Variants in NXNL2 observed in about 807,000 individuals in gnomAD.
The protein encoded by NXNL2 is nucleoredoxin-like protein 2.
In NXNL2, 7 loss-of-function variants were observed where a neutral mutation model predicts 11.1. That is an observed-to-expected ratio of 0.63 (90% CI 0.36 to 1.18). The LOEUF (loss-of-function observed/expected upper bound fraction) is 1.18. Ranked by LOEUF, NXNL2 falls within the 50% of genes most tolerant of loss-of-function variation. The pLI is 0.02. For missense variants in NXNL2, 233 were observed against 217.7 expected, an observed-to-expected ratio of 1.07 and a Z score of -0.44; for synonymous variants, 109 against 101.8, an observed-to-expected ratio of 1.07 and a Z score of -0.42.
chr9:88,550,556 T>C (rs1829916836), intron 1 of NXNL2, among the ~76,000 whole-genome samples: 1 of 152,180 alleles, frequency 6.6e-6, no homozygotes, highest in Admixed American at 6.5e-5. Context: ...CCTAAAAAGG[T>C]GGGACATCTT....
intron 1 of NXNL2, among the ~76,000 whole-genome samples, chr9:88,561,352 GAATCTTGTGATTGTGT>G (rs369410857): frequency 0.043 from 6,563 of 152,130 alleles, 484 homozygotes; most frequent in African/African-American, 0.15. Flanking sequence ...GCCTATTGTG[GAATCTTGTGATTGTGT>G]AATCTTGTGA....
At chr9:88,544,094 G>A (rs546087875) in intron 1 of NXNL2, among the ~76,000 whole-genome samples, 30 of 152,214 alleles carry the variant, frequency 2.0e-4, no homozygotes, top group African/African-American at 7.0e-4. Context: ...TCGCTTGAAC[G>A]TGGGAGGTGG....
chr9:88,555,783 G>A (rs1830001292), intron 1 of NXNL2, among the ~76,000 whole-genome samples: 1 of 152,210 alleles, frequency 6.6e-6, no homozygotes, highest in South Asian at 2.1e-4. Context: ...CTGGCGGGCT[G>A]CGCTCAGTTC....
downstream of NXNL2, among the ~76,000 whole-genome samples, chr9:88,548,529 C>CAA (rs371956999): frequency 1.5e-4 from 21 of 141,774 alleles, no homozygotes; most frequent in African/African-American, 5.2e-4. Context: ...ACTAAAAATA[C>CAA]AAAAAAAAAA....
chr9:88,546,242 T>C (rs1190732156), downstream of NXNL2, among the ~76,000 whole-genome samples: 4 of 151,722 alleles, frequency 2.6e-5, no homozygotes, highest in African/African-American at 9.7e-5. Flanking sequence ...TGCTTGTAAC[T>C]GCCAAGAACT....
chr9:88,535,658 G>A lies in NXNL2; in HGVS notation c.224G>A (p.Ser75Asn). 1 of 1,608,136 alleles carries A rather than the reference G, an allele frequency of 6.2e-7. No homozygotes were observed. Among genetic ancestry groups the A allele is most frequent in the Non-Finnish European group, 8.5e-7 (1 of 1,179,208 alleles). Residue 75 changes from serine (S) to asparagine (N), a missense_variant, in exon 1 of 2, where the codon AGC (serine) becomes AAC (asparagine). By Grantham distance (46) the Ser-to-Asn change is conservative. Coordinates refer to ENST00000375854, the MANE Select transcript of NXNL2 (RefSeq NM_001161625.2). Reference sequence around the variant, plus strand: ...GTGGTCTTCGTGTCAGCCGACGGCAGCTCCCAGGAGATGCTGGACTTCATG... The same window carrying A: ...GTGGTCTTCGTGTCAGCCGACGGCAACTCCCAGGAGATGCTGGACTTCATG... ...FEVVFVSADGSSQEMLDFMRE... is the reference protein window; with the variant it reads ...FEVVFVSADGNSQEMLDFMRE...
At chr9:88,575,260 G>A in exon 3 of NXNL2, 1 of 634,614 alleles carries the variant, frequency 1.6e-6, no homozygotes, top group Non-Finnish European at 2.0e-6. Flanking sequence ...ATACCCGAAA[G>A]AAAGGAAAAG....
downstream of NXNL2, among the ~76,000 whole-genome samples, chr9:88,548,671 A>C (rs1378941776): frequency 7.0e-6 from 1 of 143,248 alleles, no homozygotes; most frequent in East Asian, 2.2e-4. Flanking sequence ...TAACAGAGCA[A>C]GACTCTGTCT....
chr9:88,570,241 C>T (rs1345707911), intron 1 of NXNL2, among the ~76,000 whole-genome samples: 2 of 152,086 alleles, frequency 1.3e-5, no homozygotes, highest in Non-Finnish European at 1.5e-5. Context: ...GCCTCAGCCT[C>T]CCAAAAAGCT....
In NXNL2 at chr9:88,543,825, C is replaced by T. The variant is rs139762488; in HGVS notation, c.303-554C>T. On this transcript the variant is annotated intron_variant, in intron 1 of 1. Coordinates refer to ENST00000375854, the MANE Select transcript of NXNL2 (RefSeq NM_001161625.2). ...GCTACTGGATTGGGTAGCACAGATA[C>T]GGAGAGTTCACTGCTGCAGGCAGCT... Among the ~76,000 whole-genome samples, 425 of 152,316 alleles carry T rather than the reference C, an allele frequency of 2.8e-3. 4 individuals carry two copies. Among genetic ancestry groups the T allele is most frequent in the African/African-American group, 9.5e-3 (393 of 41,572 alleles).
At chr9:88,554,372 T>C (rs1483364117) in intron 1 of NXNL2, among the ~76,000 whole-genome samples, 1 of 152,078 alleles carries the variant, frequency 6.6e-6, no homozygotes, top group Non-Finnish European at 1.5e-5. Context: ...CAGCAGCTAA[T>C]TTTTGTCTTT....
downstream of NXNL2, among the ~76,000 whole-genome samples, chr9:88,579,769 G>T (rs1326372816): frequency 2.0e-5 from 3 of 152,040 alleles, no homozygotes; most frequent in Non-Finnish European, 4.4e-5. Flanking sequence ...GGTTATGCAG[G>T]GTGGCCCCAA....
rs370384264 is a variant in NXNL2, at chr9:88,582,285, C to T, written n.552-1714C>T. Among the ~76,000 whole-genome samples, 48 of 152,152 alleles carry T rather than the reference C, an allele frequency of 3.2e-4. No individual in the cohort carries two copies. The East Asian group carries it at 5.4e-3, about 17-fold the overall frequency. On this transcript the variant is annotated intron_variant and non_coding_transcript_variant, in intron 1 of 1. Coordinates refer to the NXNL2 transcript ENST00000478686. ...CGAGGTCAGACCATCCTGGCTAACA[C>T]GGTGAAACCCTGTCTCTGCTAAAAA...
intron 1 of NXNL2, among the ~76,000 whole-genome samples, chr9:88,563,268 G>A (rs148994749): frequency 1.3e-5 from 2 of 152,298 alleles, no homozygotes; most frequent in African/African-American, 2.4e-5. Flanking sequence ...ACACACGTGT[G>A]TGCACTTGGC....
rs1032334566 is a variant in NXNL2, at chr9:88,563,512, C to T, written c.303-7575C>T. On this transcript the variant is annotated intron_variant, in intron 1 of 2. Coordinates refer to the NXNL2 transcript ENST00000375855. The stretch of plus-strand genomic sequence containing the variant: ...CTTGCGCCCCTCAGCCTCTCACTTG[C>T]GTGGTCACAGTGGGCTCTCCGCTGG... Among the ~76,000 whole-genome samples, 14 of 152,310 alleles carry T rather than the reference C, an allele frequency of 9.2e-5. No homozygotes were observed. The South Asian group carries it at 1.0e-3, about 11-fold the overall frequency.
intron 1 of NXNL2, among the ~76,000 whole-genome samples, chr9:88,561,692 G>T (rs1349314310): frequency 6.6e-6 from 1 of 152,128 alleles, no homozygotes; most frequent in Non-Finnish European, 1.5e-5. Context: ...AGCCTTGTGT[G>T]GACAGTAATC....
At chr9:88,550,246 C>T (rs1564070109) in intron 1 of NXNL2, among the ~76,000 whole-genome samples, 1 of 152,176 alleles carries the variant, frequency 6.6e-6, no homozygotes, top group Non-Finnish European at 1.5e-5. Context: ...CCCACCAAGC[C>T]CCACCTCCAA....
intron 1 of NXNL2, among the ~76,000 whole-genome samples, chr9:88,581,097 G>A (rs78972138): frequency 0.016 from 2,429 of 152,234 alleles, 50 homozygotes; most frequent in African/African-American, 0.027. Context: ...CTTTCTCCTC[G>A]GGGCAGTTGC....
intron 1 of NXNL2, among the ~76,000 whole-genome samples, chr9:88,542,624 A>G (rs1016319449): frequency 6.6e-6 from 1 of 152,188 alleles, no homozygotes; most frequent in Non-Finnish European, 1.5e-5. Context: ...CAATTCCATT[A>G]CCATTGGTCT....
Sources: gnomAD v4.1 joint callset for allele counts (sites outside exome capture counted in the v4.1 genomes callset) on GRCh38, gnomAD v4.1.1 for gene constraint, MANE v1.5 for transcripts, NCBI Gene and HGNC (gene_info 2026-07-23, HGNC 2026-07-21) for gene names.